Variants in NR1I2 observed in about 807,000 individuals in gnomAD.
NR1I2 encodes nuclear receptor subfamily 1 group I member 2, also known as orphan nuclear receptor PAR1.
Under a neutral mutation model 43.3 loss-of-function variants are expected in NR1I2, and 42 were observed. That is an observed-to-expected ratio of 0.97 (90% CI 0.76 to 1.26). NR1I2 has a LOEUF of 1.26. Ranked by LOEUF, NR1I2 falls within the 50% of genes most tolerant of loss-of-function variation. The probability of loss-of-function intolerance (pLI) is 0.00; values close to 1 mark genes in which losing one functional copy is unlikely to be tolerated. For missense variants in NR1I2, 559 were observed against 566.7 expected (o/e 0.99, Z 0.14); for synonymous variants, 229 against 215.0 (o/e 1.06, Z -0.57).
At chr3:119,782,412 G>C (rs184033568) in intron 1 of NR1I2, 112 bp downstream of exon 1, 1 of 273,078 alleles carries the variant, frequency 3.7e-6, no homozygotes, top group Admixed American at 4.4e-5. Flanking sequence ...CATCATAGTG[G>C]GTCGTGAATC....
At chr3:119,798,717 AGC>A (rs2055035462) in intron 1 of NR1I2, among the ~76,000 whole-genome samples, 1 of 152,102 alleles carries the variant, frequency 6.6e-6, no homozygotes, top group South Asian at 2.1e-4. Context: ...TTCCACTCTC[AGC>A]CACAGGCAAC....
chr3:119,810,034 C>T (rs780956428), intron 2 of NR1I2, 27 bp from the exon 3 acceptor site: 3 of 1,613,546 alleles, frequency 1.9e-6, no homozygotes, highest in East Asian at 2.2e-5. Context: ...CCGTGCATCC[C>T]CCCTTCTGCT....
chr3:119,815,489 C>T (rs1342433887), intron 7 of NR1I2, 50 bp downstream of exon 7: 3 of 1,464,384 alleles, frequency 2.0e-6, no homozygotes, highest in South Asian at 2.3e-5. Flanking sequence ...CTTATCTGCC[C>T]TCCCCAGGGA....
chr3:119,797,216 G>GTGTGTA (rs1042859359), intron 1 of NR1I2, among the ~76,000 whole-genome samples: 3 of 151,368 alleles, frequency 2.0e-5, no homozygotes, highest in Non-Finnish European at 4.4e-5. Flanking sequence ...GTGTGTGTGT[G>GTGTGTA]TCCCCTTCTC....
chr3:119,786,761 G>C (rs1262809478), intron 1 of NR1I2, among the ~76,000 whole-genome samples: 1 of 152,208 alleles, frequency 6.6e-6, no homozygotes. Context: ...CCCCTGAAGA[G>C]AGCAGCTGAC....
At chr3:119,783,015 G>A (rs997019814) in intron 1 of NR1I2, among the ~76,000 whole-genome samples, 2 of 152,100 alleles carry the variant, frequency 1.3e-5, no homozygotes, top group African/African-American at 4.8e-5. Flanking sequence ...CCATATCTAG[G>A]ACAGGTCAAC....
intron 1 of NR1I2, among the ~76,000 whole-genome samples, chr3:119,796,021 G>C (rs189960039): frequency 2.6e-4 from 40 of 152,292 alleles, no homozygotes; most frequent in Admixed American, 5.9e-4. Flanking sequence ...AAGGTCACTA[G>C]TGGATCACCT....
In NR1I2 at chr3:119,783,464, G is replaced by A. The variant is rs148378737; in HGVS notation, c.-23+1164G>A. 3.0e-3 allele frequency among the ~76,000 whole-genome samples: 451 copies of A among 152,204 alleles called. 3 individuals carry two copies. The highest frequency in any genetic ancestry group is 9.4e-3 in the African/African-American group (391 of 41,542). On this transcript the variant is annotated intron_variant, in intron 1 of 8. Transcript: ENST00000393716. ...TGAGTCAGCAAAATTGACCAATTGCGAAAGAGACAGTATGGCCCACAAAGC... is the reference window on the plus strand; with the variant it reads ...TGAGTCAGCAAAATTGACCAATTGCAAAAGAGACAGTATGGCCCACAAAGC...
At chr3:119,810,851 T>C (rs1275556924) in intron 3 of NR1I2, among the ~76,000 whole-genome samples, 1 of 152,154 alleles carries the variant, frequency 6.6e-6, no homozygotes, top group African/African-American at 2.4e-5. Context: ...TCTTGATCTC[T>C]CCCCACCAAG....
At position 119,815,820 on chromosome 3, in the gene NR1I2, G is replaced by T. The variant is rs1297212066; in HGVS notation, c.1149G>T (p.Gln383His). 6.2e-7 allele frequency: 1 copy of T among 1,609,888 alleles called. No homozygotes were observed. Among genetic ancestry groups the T allele is most frequent in the Non-Finnish European group, 8.5e-7 (1 of 1,177,996 alleles). ...CCTACATTGAATGCAATCGGCCCCA[G>T]CCTGCTCATAGGTGAGCACAGCAGG... Residue 383 changes from glutamine (Q) to histidine (H), a missense_variant, in exon 8 of 9, where the codon CAG becomes CAT. By Grantham distance (24) the Gln-to-His change is conservative. Transcript: ENST00000393716.
chr3:119,809,538 G>A (rs1484844086), intron 2 of NR1I2, among the ~76,000 whole-genome samples: 16 of 148,490 alleles, frequency 1.1e-4, no homozygotes, highest in Non-Finnish European at 2.1e-4. Context: ...TGGAGAAGGC[G>A]GCGGGGGGTG....
intron 7 of NR1I2, 105 bp from the exon 8 acceptor site, chr3:119,815,621 G>A: frequency 9.0e-7 from 1 of 1,116,444 alleles, no homozygotes; most frequent in Non-Finnish European, 1.3e-6. Flanking sequence ...CCCTGCCTGG[G>A]TGACTCCAGC....
At chr3:119,811,790 G>T (rs1478015870) in intron 4 of NR1I2, 64 bp downstream of exon 4, 4 of 1,459,526 alleles carry the variant, frequency 2.7e-6, no homozygotes, top group Non-Finnish European at 3.8e-6. Flanking sequence ...TAGAAACTGA[G>T]GTTCCCCAAG....
chr3:119,789,400 A>G (rs2054887414), intron 1 of NR1I2, among the ~76,000 whole-genome samples: 1 of 152,226 alleles, frequency 6.6e-6, no homozygotes, highest in Admixed American at 6.5e-5. Context: ...GGTGGAAGGC[A>G]AACGGCATGT....
chr3:119,792,578 TG>T, intron 1 of NR1I2: 1 of 752,820 alleles, frequency 1.3e-6, no homozygotes. Context: ...TGCACCTCCA[TG>T]GGCCAACTAG....
At position 119,811,552 on chromosome 3, in the gene NR1I2, C is replaced by G. The variant is rs373686292; in HGVS notation, c.345C>G (p.Asp115Glu). 1 of 1,612,934 alleles carries G rather than the reference C, an allele frequency of 6.2e-7. No homozygotes were observed. Among genetic ancestry groups the G allele is most frequent in the Non-Finnish European group, 8.5e-7 (1 of 1,179,476 alleles). ...CTGTCCCTGCAGTGATCATGTCCGA[C>G]GAGGCCGTGGAGGAGAGGCGGGCCT... Residue 115 changes from aspartate (D) to glutamate (E), a missense_variant, in exon 4 of 9, where the codon GAC becomes GAG. Physicochemically the swap from Asp to Glu is conservative, Grantham distance 45 (BLOSUM62 2). Coordinates refer to ENST00000393716, the MANE Select transcript of NR1I2 (RefSeq NM_003889.4).
chr3:119,811,503 G>T (rs771143425), intron 3 of NR1I2, 36 bp from the exon 4 acceptor site: 3 of 1,579,538 alleles, frequency 1.9e-6, no homozygotes, highest in African/African-American at 1.3e-5. Flanking sequence ...CTCACCAGGG[G>T]CACGTGTGCC....
Position 119,810,817 on chromosome 3 carries a change from G to A in NR1I2, c.331+623G>A, listed in dbSNP as rs553981561. 2.7e-4 allele frequency among the ~76,000 whole-genome samples: 41 copies of A among 152,294 alleles called. No individual in the cohort carries two copies. In the South Asian group the frequency reaches 8.3e-3, roughly 31 times the overall value. On this transcript the variant is annotated intron_variant, in intron 3 of 8. Coordinates refer to ENST00000393716, the MANE Select transcript of NR1I2 (RefSeq NM_003889.4). ...CCAAAGCTGCTTCTTTCAAGGACAAGTTCTCTAGGCTGCTGGCAGGCATTC... is the reference window on the plus strand; with the variant it reads ...CCAAAGCTGCTTCTTTCAAGGACAAATTCTCTAGGCTGCTGGCAGGCATTC...
At position 119,807,265 on chromosome 3, in the gene NR1I2, C is replaced by T. The variant is rs977955412; in HGVS notation, c.15C>T (p.Pro5=). The change falls in exon 2 of 9, where the codon CCC becomes CCT. Residue 5 remains proline, a synonymous_variant. Coordinates refer to ENST00000393716, the MANE Select transcript of NR1I2 (RefSeq NM_003889.4). ...CAGAAGCAAACCTGGAGGTGAGACC[C>T]AAAGAAAGCTGGAACCATGCTGACT... 1.2e-6 allele frequency: 2 copies of T among 1,614,170 alleles called. No individual in the cohort carries two copies.
Sources: allele counts gnomAD v4.1 joint callset (sites outside exome capture counted in the v4.1 genomes callset), GRCh38; gene constraint gnomAD v4.1.1; transcripts MANE v1.5; gene names NCBI Gene and HGNC (gene_info 2026-07-23, HGNC 2026-07-21).